RMP64: variants seen among roughly 807,000 people sequenced by gnomAD.
RMP64 encodes the protein ribonuclease MRP subunit p64.
the RMP64 span, chr3:113,013,209 T>C: frequency 6.4e-7 from 1 of 1,562,418 alleles, no homozygotes; most frequent in Non-Finnish European, 8.8e-7. Flanking sequence ...ACAAAAATAC[T>C]GTTAAAAATA....
At chr3:113,009,553 C>G in the RMP64 span, 5 of 152,156 alleles carry the variant, frequency 3.3e-5, no homozygotes, top group African/African-American at 1.2e-4. Context: ...CACCATAGTT[C>G]TTGAGATACA....
At chr3:113,003,686 C>T in the RMP64 span, 1 of 150,058 alleles carries the variant, frequency 6.7e-6, no homozygotes, top group Admixed American at 6.6e-5. Flanking sequence ...GTCCTTAACT[C>T]ACTGAACCAC....
the RMP64 span, chr3:113,017,656 T>C: frequency 6.7e-7 from 1 of 1,484,136 alleles, no homozygotes; most frequent in South Asian, 1.2e-5. Flanking sequence ...GTAAGTATAT[T>C]ATATTAAAAA....
chr3:113,004,356 C>A, the RMP64 span: 1 of 152,154 alleles, frequency 6.6e-6, no homozygotes, highest in Non-Finnish European at 1.5e-5. Context: ...TTTAGCAACC[C>A]ACCAGGTGAT....
chr3:113,006,960 TAATG>T, the RMP64 span, among the ~76,000 whole-genome samples: 1 of 152,208 alleles, frequency 6.6e-6, no homozygotes, highest in African/African-American at 2.4e-5. Flanking sequence ...ACAAATATAT[TAATG>T]AAACAGCAAA....
the RMP64 span, among the ~76,000 whole-genome samples, chr3:113,016,440 A>G: frequency 5.9e-5 from 2 of 34,072 alleles, no homozygotes; most frequent in African/African-American, 8.6e-5. Context: ...AGAGCTACGT[A>G]AGAGAGAGAG....
chr3:113,011,517 T>C, the RMP64 span: 1 of 969,452 alleles, frequency 1.0e-6, no homozygotes, highest in East Asian at 2.4e-5. Context: ...GGTCCTCCAG[T>C]ACAGATAAAA....
the RMP64 span, chr3:113,003,832 GAAGC>G: frequency 6.6e-6 from 1 of 152,196 alleles, no homozygotes; most frequent in African/African-American, 2.4e-5. Flanking sequence ...ACAAGTAGGA[GAAGC>G]AAGACTGAAC....
At chr3:113,019,515 C>T in the RMP64 span, 1 of 1,571,692 alleles carries the variant, frequency 6.4e-7, no homozygotes, top group Non-Finnish European at 8.7e-7. Context: ...GAAACGTTCC[C>T]CCATCCTCGC....
At chr3:113,013,286 G>A in the RMP64 span, 1 of 1,613,472 alleles carries the variant, frequency 6.2e-7, no homozygotes, top group Admixed American at 1.7e-5. Flanking sequence ...AAGTTTTGCA[G>A]CAGCAGTCCA....
the RMP64 span, chr3:113,014,794 T>G: frequency 1.3e-5 from 2 of 152,218 alleles, no homozygotes; most frequent in Non-Finnish European, 2.9e-5. Flanking sequence ...TTTGATTAGA[T>G]GAAGCTTGTT....
the RMP64 span, chr3:113,011,225 CT>C: frequency 6.2e-7 from 1 of 1,612,756 alleles, no homozygotes; most frequent in Non-Finnish European, 8.5e-7. Flanking sequence ...GCTGCAAAAG[CT>C]ATAGGCATTT....
chr3:113,005,648 T>C, the RMP64 span: 2 of 1,613,834 alleles, frequency 1.2e-6, no homozygotes, highest in Non-Finnish European at 1.7e-6. Context: ...TTCATTTTCA[T>C]GGATGCCTCT....
chr3:113,011,024 T>C, the RMP64 span: 2 of 1,563,522 alleles, frequency 1.3e-6, no homozygotes, highest in Non-Finnish European at 1.7e-6. Flanking sequence ...CTAGAGTATG[T>C]GCTGTATCAA....
chr3:113,013,445 A>C, the RMP64 span: 1 of 1,502,556 alleles, frequency 6.7e-7, no homozygotes, highest in Non-Finnish European at 8.9e-7. Context: ...CACTTAAAAA[A>C]AAAGGGTTTT....
chr3:113,016,689 AT>A, the RMP64 span, among the ~76,000 whole-genome samples: 1 of 152,192 alleles, frequency 6.6e-6, no homozygotes, highest in Admixed American at 6.5e-5. Flanking sequence ...ACCAGAAAGC[AT>A]GCATCTATAA....
At chr3:113,011,143 G>T in the RMP64 span, 2 of 1,613,362 alleles carry the variant, frequency 1.2e-6, no homozygotes, top group Non-Finnish European at 1.7e-6. Context: ...TCCAAGCAAG[G>T]TTTCTTCACT....
At chr3:113,009,970 TAA>T in the RMP64 span, among the ~76,000 whole-genome samples, 36 of 144,092 alleles carry the variant, frequency 2.5e-4, no homozygotes, top group Non-Finnish European at 1.5e-4. Flanking sequence ...AAGACAGGGT[TAA>T]AAAAAAAAAA....
At chr3:113,013,916 CCCA>C in the RMP64 span, 39 of 1,408,552 alleles carry the variant, frequency 2.8e-5, no homozygotes, top group African/African-American at 4.2e-5. Flanking sequence ...GAGTTCCCAG[CCCA>C]CCACATCACA....
Sources: allele counts gnomAD v4.1 joint callset (sites outside exome capture counted in the v4.1 genomes callset), GRCh38; gene constraint gnomAD v4.1.1; transcripts MANE v1.5; gene names NCBI Gene and HGNC (gene_info 2026-07-23, HGNC 2026-07-21).